HK1: variants seen among roughly 807,000 people sequenced by gnomAD.
The protein encoded by HK1 is hexokinase 1, also known as hexokinase-1.
In HK1, 28 loss-of-function variants were observed where a neutral mutation model predicts 91.6. The ratio of observed to expected loss-of-function variants is 0.31; its 90% CI spans 0.23 to 0.42. The LOEUF (loss-of-function observed/expected upper bound fraction) is 0.42. Ranked by LOEUF, HK1 falls within the 10% of genes least tolerant of loss-of-function variation. HK1 has a pLI of 1.00. For synonymous variants in HK1, 430 were observed against 468.1 expected, an observed-to-expected ratio of 0.92 and a Z score of 1.05; for missense variants, 770 against 1,219.8, an observed-to-expected ratio of 0.63 and a Z score of 5.49.
chr10:69,275,037 C>G (rs1370204378), intron 1 of HK1, among the ~76,000 whole-genome samples: 1 of 152,088 alleles, frequency 6.6e-6, no homozygotes, highest in East Asian at 1.9e-4. Flanking sequence ...CTTCCAGTAT[C>G]TCTAAAAAGA....
chr10:69,342,176 A>C (rs1402905862), intron 1 of HK1, among the ~76,000 whole-genome samples: 2 of 150,448 alleles, frequency 1.3e-5, no homozygotes, highest in African/African-American at 4.9e-5. Flanking sequence ...CAAACAAACA[A>C]ACAAACAAAC....
rs775464252 is a variant in HK1 at position 69,377,047 on chromosome 10, C to A, written c.989C>A (p.Thr330Asn). ...FEGRITPELL[T>N]RGKFNTSDVS... Reference sequence around the variant, plus strand: ...GGGCGGATCACCCCGGAGCTGCTCACCCGAGGGAAGTTTAACACCAGTGAT... The same window carrying A: ...GGGCGGATCACCCCGGAGCTGCTCAACCGAGGGAAGTTTAACACCAGTGAT... The change falls in exon 8 of 18, where the codon ACC becomes AAC. Residue 330 changes from threonine to asparagine, a missense_variant. Transcript: ENST00000359426. The A allele has an allele frequency of 2.5e-6, 4 of 1,614,162 alleles. No individual in the cohort carries two copies. The South Asian group carries it at 4.4e-5, about 18-fold the overall frequency.
At chr10:69,311,511 G>A (rs890606125), upstream of HK1, among the ~76,000 whole-genome samples, 2 of 152,188 alleles carry the variant, frequency 1.3e-5, no homozygotes, top group African/African-American at 4.8e-5. Flanking sequence ...GATTGCTCTG[G>A]TCCAAAAGAT....
At chr10:69,374,660 C>G (rs1838988701) in intron 7 of HK1, among the ~76,000 whole-genome samples, 1 of 152,200 alleles carries the variant, frequency 6.6e-6, no homozygotes, top group Non-Finnish European at 1.5e-5. Context: ...TCTAACAGGG[C>G]CTTTAGGGAC....
chr10:69,401,469 C>T lies in HK1; in HGVS notation c.*334C>T, dbSNP rs1247889798. The T allele has an allele frequency of 5.0e-6, 2 of 399,110 alleles. No homozygotes were observed. The highest frequency in any genetic ancestry group is 4.0e-5 in the Admixed American group (1 of 25,116). 24.7% of individuals were successfully genotyped at this position (399,110 alleles called of 1,614,324 possible). A position where few individuals can be genotyped will look rare whatever the true frequency, so the allele number is the denominator to read the frequency against. On this transcript the variant is annotated 3_prime_UTR_variant, in exon 18 of 18. Transcript: ENST00000359426. Reference sequence around the variant, plus strand: ...TTTATTGGCTGGAGATGGAAAATCACACCACCTGACAGGCCTTCTGGGCCT... The same window carrying T: ...TTTATTGGCTGGAGATGGAAAATCATACCACCTGACAGGCCTTCTGGGCCT...
intron 14 of HK1, 183 bp downstream of exon 14, chr10:69,389,479 T>TG (rs71471543): frequency 3.4e-4 from 68 of 198,540 alleles, no homozygotes; most frequent in African/African-American, 6.7e-4. Flanking sequence ...CGGGGGGAGG[T>TG]GGGGGGGCCT....
intron 5 of HK1, among the ~76,000 whole-genome samples, chr10:69,309,365 T>G (rs556474678): frequency 1.5e-4 from 23 of 149,720 alleles, no homozygotes; most frequent in African/African-American, 5.6e-4. Context: ...GTATTTTTAG[T>G]GGAGATGGGG....
At chr10:69,291,612 A>G (rs1382997661) in intron 3 of HK1, among the ~76,000 whole-genome samples, 1 of 151,978 alleles carries the variant, frequency 6.6e-6, no homozygotes, top group Non-Finnish European at 1.5e-5. Context: ...GGACTCTCTC[A>G]CTCCAGGACT....
chr10:69,315,889 C>A, upstream of HK1: 1 of 1,517,970 alleles, frequency 6.6e-7, no homozygotes, highest in Non-Finnish European at 9.2e-7. Flanking sequence ...TGACACTGGG[C>A]AAGATGGCCC....
intron 3 of HK1, 60 bp downstream of exon 3, chr10:69,360,105 G>A (rs1334026525): frequency 1.3e-6 from 2 of 1,543,806 alleles, no homozygotes; most frequent in African/African-American, 2.7e-5. Context: ...GTTACCTCCA[G>A]GAACCAGGCC....
In HK1 at chr10:69,369,448, C is replaced by G. The variant is rs768859571; in HGVS notation, c.699C>G (p.Gly233=). The G allele has an allele frequency of 1.4e-5, 23 of 1,614,114 alleles. No individual in the cohort carries two copies. The highest frequency in any genetic ancestry group is 1.8e-5 in the Non-Finnish European group (21 of 1,180,044). ...TGATCTTGTCCTGCCCAGGCACTGGCACCAATGCTTGCTACATGGAGGAAC... is the reference window on the plus strand; with the variant it reads ...TGATCTTGTCCTGCCCAGGCACTGGGACCAATGCTTGCTACATGGAGGAAC... ...HCEVGLIIGT[G]TNACYMEELR... Residue 233 remains glycine, a synonymous_variant, in exon 7 of 18, where the codon GGC becomes GGG. Transcript: ENST00000359426. The surrounding 1 kb of genome is among the most constrained non-coding windows in gnomAD (Gnocchi z 4.4).
chr10:69,326,362 G>T (rs1044563843), intron 1 of HK1, among the ~76,000 whole-genome samples: 5 of 152,070 alleles, frequency 3.3e-5, no homozygotes, highest in African/African-American at 4.8e-5. Context: ...TCCCAGCACG[G>T]CTCCCTCCCC....
chr10:69,386,212 C>T (rs117579307), intron 12 of HK1, 111 bp from the exon 13 acceptor site: 113 of 802,242 alleles, frequency 1.4e-4, no homozygotes, highest in Admixed American at 9.8e-4. Flanking sequence ...ACTCCGTCTC[C>T]GATGTTGTAA....
chr10:69,351,480 G>A (rs1310564842), intron 2 of HK1, among the ~76,000 whole-genome samples: 1 of 152,168 alleles, frequency 6.6e-6, no homozygotes, highest in East Asian at 1.9e-4. Flanking sequence ...TTGCCGTCCA[G>A]CCTGGGCAAC....
chr10:69,358,863 CAAA>C (rs771610951), intron 2 of HK1, among the ~76,000 whole-genome samples: 6 of 80,428 alleles, frequency 7.5e-5, no homozygotes, highest in Non-Finnish European at 1.0e-4. Flanking sequence ...AGCTCTGTCT[CAAA>C]AAAAAAAAAA....
At chr10:69,376,864 T>G in intron 7 of HK1, 70 bp from the exon 8 acceptor site, 1 of 1,587,976 alleles carries the variant, frequency 6.3e-7, no homozygotes, top group South Asian at 1.1e-5. Flanking sequence ...ATTCCTTTTA[T>G]GTCTGTCCCA....
At chr10:69,349,976 G>A (rs911889740) in intron 2 of HK1, among the ~76,000 whole-genome samples, 1 of 152,192 alleles carries the variant, frequency 6.6e-6, no homozygotes, top group Non-Finnish European at 1.5e-5. Flanking sequence ...AGTTCAGTCA[G>A]CTCCTTTCCT....
Position 69,401,761 on chromosome 10 carries a change from G to A in HK1, c.*626G>A, listed in dbSNP as rs112135075. On this transcript the variant is annotated 3_prime_UTR_variant, in exon 18 of 18. Coordinates refer to ENST00000359426, the MANE Select transcript of HK1 (RefSeq NM_000188.3). ...CGTGGGGGGAGGTGGACAGTCCTGC[G>A]GAAATGTGTCTTGTCTCCATTTGGA... The A allele has an allele frequency of 9.9e-3, 1,751 of 177,394 alleles. 48 individuals carry two copies. Among genetic ancestry groups the A allele is most frequent in the African/African-American group, 0.04 (1,666 of 41,800 alleles). The allele number at this position is 177,394 out of a possible 1,614,324, so 11.0% of individuals were successfully genotyped here.
At chr10:69,309,985 G>A (rs1485564723) in intron 5 of HK1, among the ~76,000 whole-genome samples, 3 of 151,216 alleles carry the variant, frequency 2.0e-5, no homozygotes, top group Admixed American at 6.6e-5. Flanking sequence ...GGGAGGCGGA[G>A]GTCACAGTGA....
Sources: gnomAD v4.1 joint callset for allele counts (sites outside exome capture counted in the v4.1 genomes callset) on GRCh38, gnomAD v4.1.1 for gene constraint, Gnocchi (gnomAD v3.1) non-coding constraint, MANE v1.5 for transcripts, NCBI Gene and HGNC (gene_info 2026-07-23, HGNC 2026-07-21) for gene names.